The following MEI1 variants were observed in gnomAD, a reference collection of about 807,000 sequenced individuals.
MEI1 encodes meiotic double-stranded break formation protein 1, also known as meiosis inhibitor protein 1.
MEI1 carries 103 observed loss-of-function variants against 146.2 expected under a neutral mutation model. The observed-to-expected ratio is 0.70, with a 90% confidence interval of 0.60 to 0.83. MEI1 has a LOEUF of 0.83. Among genes scored for constraint, MEI1 ranks in the 40% least tolerant of loss-of-function variants. The pLI, the probability that MEI1 is intolerant of heterozygous loss-of-function variation, is 0.00. For synonymous variants in MEI1, 652 were observed against 628.2 expected (o/e 1.04, Z -0.57); for missense variants, 1,529 against 1,533.0 (o/e 1.00, Z 0.04).
At chr22:41,726,935 A>G (rs1000378854) in intron 7 of MEI1, among the ~76,000 whole-genome samples, 4 of 151,630 alleles carry the variant, frequency 2.6e-5, no homozygotes, top group Non-Finnish European at 4.4e-5. Context: ...CACCACACCC[A>G]GCTAATTTTT....
At chr22:41,708,752 T>C (rs188527336) in intron 3 of MEI1, among the ~76,000 whole-genome samples, 1 of 152,348 alleles carries the variant, frequency 6.6e-6, no homozygotes, top group East Asian at 1.9e-4. Context: ...CACTGTTCTT[T>C]CGACAGATGC....
chr22:41,718,194 A>G lies in MEI1; in HGVS notation c.653A>G (p.His218Arg), dbSNP rs1246686754. 1 of 1,613,954 alleles carries G rather than the reference A, an allele frequency of 6.2e-7. No homozygotes were observed. The highest frequency in any genetic ancestry group is 1.1e-5 in the South Asian group (1 of 91,078). The stretch of plus-strand genomic sequence containing the variant: ...GTGGCAGCTGAGATGCTTTCAGGAC[A>G]CTTCCGTGAGAAGCTTTTTCCCCTC... Reference protein sequence around the residue: ...SPVAAEMLSGHFREKLFPLFL... With the variant: ...SPVAAEMLSGRFREKLFPLFL... The change falls in exon 6 of 31, where the codon CAC becomes CGC. Residue 218 changes from histidine (H) to arginine (R), a missense_variant. By Grantham distance (29) the His-to-Arg change is conservative. Around this residue, in one of 3 missense-constraint regions of MEI1, gnomAD observed 1,212 missense variants for 1,178.9 expected, o/e 1.03. Coordinates refer to ENST00000401548, the MANE Select transcript of MEI1 (RefSeq NM_152513.4).
chr22:41,785,241 TTTTA>T (rs138457901), intron 26 of MEI1, among the ~76,000 whole-genome samples: 36,498 of 148,890 alleles, frequency 0.25, 5,074 homozygotes, highest in Admixed American at 0.38. Flanking sequence ...GGCATTTTTA[TTTTA>T]TTTATTTATT....
Position 41,730,559 on chromosome 22 carries a change from C to T in MEI1, c.1018C>T (p.Leu340Phe). The change falls in exon 9 of 31, where the codon CTC becomes TTC. Residue 340 changes from leucine to phenylalanine, a missense_variant. Leu to Phe is a conservative substitution (Grantham distance 22). Around this residue, in one of 3 missense-constraint regions of MEI1, gnomAD observed 1,212 missense variants for 1,178.9 expected, o/e 1.03. Transcript: ENST00000401548. The stretch of plus-strand genomic sequence containing the variant: ...GCATCTTTCTTCTTCCAGTGAAGTG[C>T]TCGTCTGGTCCAGCTGTAACTGCTT... ...FEHLSSSSEV[L>F]VWSSCNCLTL... The T allele has an allele frequency of 1.2e-6, 2 of 1,613,876 alleles. No individual in the cohort carries two copies. The highest frequency in any genetic ancestry group is 1.7e-6 in the Non-Finnish European group (2 of 1,179,784).
chr22:41,786,237 G>A (rs189656350), intron 26 of MEI1, among the ~76,000 whole-genome samples: 128 of 152,218 alleles, frequency 8.4e-4, no homozygotes, highest in African/African-American at 2.9e-3. Context: ...AATACAGATG[G>A]GGTCTTGCTA....
chr22:41,772,177 A>G (rs6002474), intron 20 of MEI1, among the ~76,000 whole-genome samples: 126,958 of 152,238 alleles, frequency 0.83, 53,898 homozygotes, highest in African/African-American at 0.95. Flanking sequence ...TAACACAGTG[A>G]CATTTGTATA....
chr22:41,725,124 T>C (rs994550175), intron 7 of MEI1, among the ~76,000 whole-genome samples: 1 of 151,772 alleles, frequency 6.6e-6, no homozygotes, highest in South Asian at 2.1e-4. Flanking sequence ...TATTATTATT[T>C]TTTTTTTGAG....
chr22:41,752,048 G>A (rs536309773), intron 15 of MEI1, among the ~76,000 whole-genome samples: 4 of 151,088 alleles, frequency 2.6e-5, no homozygotes, highest in Non-Finnish European at 2.9e-5. Flanking sequence ...CCAGCCTGGC[G>A]ACAGAGTGAG....
At chr22:41,730,724 C>T (rs2147562910) in intron 9 of MEI1, 87 bp downstream of exon 9, 1 of 825,264 alleles carries the variant, frequency 1.2e-6, no homozygotes, top group Non-Finnish European at 2.1e-6. Context: ...GGGGGCTAGC[C>T]TCCACCTTGG....
At chr22:41,750,961 G>A (rs982216296) in intron 15 of MEI1, among the ~76,000 whole-genome samples, 1 of 152,078 alleles carries the variant, frequency 6.6e-6, no homozygotes, top group Non-Finnish European at 1.5e-5. Flanking sequence ...GGAGGCAAGT[G>A]TAGATCTCTT....
intron 7 of MEI1, among the ~76,000 whole-genome samples, chr22:41,725,275 G>A (rs1055159963): frequency 6.6e-6 from 1 of 151,944 alleles, no homozygotes. Context: ...ACCATGCCCG[G>A]CTAATTTTTT....
rs375088173 is a variant in MEI1, at chr22:41,708,667, A to C, written c.349+3113A>C. Among the ~76,000 whole-genome samples the C allele has an allele frequency of 1.2e-4, 19 of 152,372 alleles. 1 individual carries two copies. In the South Asian group the frequency reaches 3.7e-3, roughly 30 times the overall value. ...GCATGTTGTTTAACAACTTTAAACA[A>C]GCCGACCCTGACTTTCAGGAAGTGA... On this transcript the variant is annotated intron_variant, in intron 3 of 30. Coordinates refer to ENST00000401548, the MANE Select transcript of MEI1 (RefSeq NM_152513.4).
At chr22:41,703,597 T>C in intron 2 of MEI1, 143 bp downstream of exon 2, 1 of 765,428 alleles carries the variant, frequency 1.3e-6, no homozygotes, top group Non-Finnish European at 1.9e-6. Flanking sequence ...GTCATAATGA[T>C]GTAGAAATGG....
intron 11 of MEI1, among the ~76,000 whole-genome samples, chr22:41,741,937 C>G (rs1482537358): frequency 1.1e-5 from 1 of 87,762 alleles, no homozygotes; most frequent in Non-Finnish European, 2.2e-5. Flanking sequence ...AGCGAGACTC[C>G]ATCTCAAAAA....
intron 3 of MEI1, among the ~76,000 whole-genome samples, chr22:41,712,672 A>T (rs6002448): frequency 6.8e-6 from 1 of 147,004 alleles, no homozygotes; most frequent in African/African-American, 2.5e-5. Context: ...ATAGAAATAG[A>T]TGTGTGTGTG....
At position 41,758,490 on chromosome 22, in the gene MEI1, T is replaced by G. The variant is rs1383260358; in HGVS notation, c.2077T>G (p.Cys693Gly). The G allele has an allele frequency of 1.9e-6, 3 of 1,613,610 alleles. No individual in the cohort carries two copies. In the Admixed American group the frequency reaches 5.0e-5, roughly 27 times the overall value. Residue 693 changes from cysteine to glycine, a missense_variant, in exon 18 of 31, where the codon TGC becomes GGC. Physicochemically the swap from Cys to Gly is radical, Grantham distance 159. This residue lies in a region of MEI1 where 1,212 missense variants were observed against 1,178.9 expected (regional missense o/e 1.03). Coordinates refer to ENST00000401548, the MANE Select transcript of MEI1 (RefSeq NM_152513.4). Reference sequence around the variant, plus strand: ...GGGAGCTGCTCGCCAGAGACAGTACTGCATCCTGCTCCTCTTCTACTTGGC... The same window carrying G: ...GGGAGCTGCTCGCCAGAGACAGTACGGCATCCTGCTCCTCTTCTACTTGGC... ...MEGAARQRQY[C>G]ILLLFYLAYI... is the part of the protein sequence containing the mutation.
At chr22:41,788,580 A>C (rs2076069039) in intron 26 of MEI1, among the ~76,000 whole-genome samples, 1 of 151,758 alleles carries the variant, frequency 6.6e-6, no homozygotes, top group African/African-American at 2.4e-5. Context: ...AGTTGGGATT[A>C]CAGGTGTGTG....
Position 41,799,337 on chromosome 22 carries a change from G to A in MEI1, c.*38G>A. 1.3e-6 allele frequency: 2 copies of A among 1,594,868 alleles called. No individual in the cohort carries two copies. The highest frequency in any genetic ancestry group is 1.7e-6 in the Non-Finnish European group (2 of 1,163,638). The stretch of plus-strand genomic sequence containing the variant: ...GAAGGCCCAGAAGTGGAGAGAGAAT[G>A]AGACCTGGAGACAAAGGGCATAATT... On this transcript the variant is annotated 3_prime_UTR_variant, in exon 31 of 31. Coordinates refer to ENST00000401548, the MANE Select transcript of MEI1 (RefSeq NM_152513.4).
chr22:41,781,642 C>T, intron 23 of MEI1, 43 bp from the exon 24 acceptor site: 1 of 1,599,298 alleles, frequency 6.3e-7, no homozygotes, highest in Non-Finnish European at 8.5e-7. Flanking sequence ...AGCTGAAGCT[C>T]CTCTGTAACT....
Sources: allele counts gnomAD v4.1 joint callset (sites outside exome capture counted in the v4.1 genomes callset), GRCh38; gene constraint gnomAD v4.1.1; regional missense constraint gnomAD v4.1.1; transcripts MANE v1.5; gene names NCBI Gene and HGNC (gene_info 2026-07-23, HGNC 2026-07-21).